FERRY3: variants seen among roughly 807,000 people sequenced by gnomAD.
The protein encoded by FERRY3 is protein C12orf4.
the FERRY3 span, among the ~76,000 whole-genome samples, chr12:4,495,373 A>G: frequency 6.6e-6 from 1 of 152,204 alleles, no homozygotes; most frequent in African/African-American, 2.4e-5. Flanking sequence ...GTTTTAATGA[A>G]GCACTCATTT....
At chr12:4,500,233 C>A in the FERRY3 span, 19 of 1,613,790 alleles carry the variant, frequency 1.2e-5, no homozygotes, top group East Asian at 4.2e-4. Flanking sequence ...CCCATAATGG[C>A]AGGATCACGA....
At chr12:4,526,841 CAAAA>C in the FERRY3 span, among the ~76,000 whole-genome samples, 42 of 109,834 alleles carry the variant, frequency 3.8e-4, no homozygotes, top group African/African-American at 1.1e-3. Context: ...GACTCCATCT[CAAAA>C]AAAAAAAAAG....
chr12:4,532,154 G>C, the FERRY3 span, among the ~76,000 whole-genome samples: 4 of 147,496 alleles, frequency 2.7e-5, no homozygotes, highest in Non-Finnish European at 5.9e-5. Context: ...TGTGGCCGAA[G>C]ACAATTCTTC....
the FERRY3 span, chr12:4,489,783 G>A: frequency 1.3e-6 from 2 of 1,506,532 alleles, no homozygotes; most frequent in South Asian, 2.3e-5. Flanking sequence ...ATCATCTTCT[G>A]CCAGCATGTC....
chr12:4,495,849 T>C, the FERRY3 span, among the ~76,000 whole-genome samples: 2 of 152,222 alleles, frequency 1.3e-5, no homozygotes, highest in Non-Finnish European at 2.9e-5. Flanking sequence ...TTGGTATGAA[T>C]TAATGACAAA....
chr12:4,509,675 G>C, the FERRY3 span, among the ~76,000 whole-genome samples: 4 of 142,946 alleles, frequency 2.8e-5, no homozygotes, highest in Non-Finnish European at 6.1e-5. Flanking sequence ...CAACACATCT[G>C]CAGCTGAGGG....
chr12:4,506,390 T>C, the FERRY3 span, among the ~76,000 whole-genome samples: 5 of 152,182 alleles, frequency 3.3e-5, no homozygotes, highest in African/African-American at 1.2e-4. Flanking sequence ...GTGACTTTGA[T>C]AAATTGATTT....
chr12:4,518,876 C>T, the FERRY3 span: 98 of 1,561,832 alleles, frequency 6.3e-5, no homozygotes, highest in Non-Finnish European at 7.0e-5. Context: ...ACTTTAATTT[C>T]CTCACTAAAA....
chr12:4,536,084 T>C, the FERRY3 span: 1 of 1,610,320 alleles, frequency 6.2e-7, no homozygotes, highest in Non-Finnish European at 8.5e-7. Flanking sequence ...TGGCATTCTC[T>C]TGAACAGGAA....
the FERRY3 span, among the ~76,000 whole-genome samples, chr12:4,504,974 G>A: frequency 1.1e-4 from 16 of 152,138 alleles, no homozygotes; most frequent in African/African-American, 3.1e-4. Context: ...GTACGGTGGC[G>A]TGGGCCTGTA....
At chr12:4,510,122 A>T in the FERRY3 span, among the ~76,000 whole-genome samples, 1 of 140,460 alleles carries the variant, frequency 7.1e-6, no homozygotes, top group Non-Finnish European at 1.5e-5. Flanking sequence ...AGCCGATGCG[A>T]TCAACTGGAA....
chr12:4,505,645 A>G, the FERRY3 span, among the ~76,000 whole-genome samples: 2,511 of 152,336 alleles, frequency 0.016, 77 homozygotes, highest in African/African-American at 0.056. Context: ...AACTTAACCA[A>G]GCATGCACAG....
the FERRY3 span, among the ~76,000 whole-genome samples, chr12:4,519,222 T>C: frequency 6.6e-6 from 1 of 152,210 alleles, no homozygotes; most frequent in African/African-American, 2.4e-5. This position sits in a 1 kb window ranked among gnomAD's most constrained non-coding sequence, Gnocchi z 4.3. Context: ...TTAAAATATA[T>C]AATACATCCT....
At chr12:4,531,032 T>C in the FERRY3 span, among the ~76,000 whole-genome samples, 25 of 152,140 alleles carry the variant, frequency 1.6e-4, no homozygotes, top group South Asian at 1.0e-3. Flanking sequence ...CTGGAATTTA[T>C]AATATGACTT....
chr12:4,526,750 G>C, the FERRY3 span, among the ~76,000 whole-genome samples: 1 of 151,842 alleles, frequency 6.6e-6, no homozygotes, highest in Admixed American at 6.6e-5. Flanking sequence ...GCTGAGGTAG[G>C]AGAATTGCTT....
At chr12:4,530,396 C>T in the FERRY3 span, among the ~76,000 whole-genome samples, 1 of 152,144 alleles carries the variant, frequency 6.6e-6, no homozygotes, top group African/African-American at 2.4e-5. Context: ...CAACAAAATG[C>T]TAATGGTGGC....
chr12:4,495,430 A>C, the FERRY3 span, among the ~76,000 whole-genome samples: 1 of 152,198 alleles, frequency 6.6e-6, no homozygotes, highest in Non-Finnish European at 1.5e-5. Flanking sequence ...CTTATAATCC[A>C]GAATTTACTG....
the FERRY3 span, among the ~76,000 whole-genome samples, chr12:4,498,841 A>G: frequency 6.6e-6 from 1 of 152,180 alleles, no homozygotes; most frequent in Admixed American, 6.5e-5. Context: ...GCTCCCTCGC[A>G]CACGCAGTTC....
chr12:4,525,724 G>A, the FERRY3 span: 3 of 601,606 alleles, frequency 5.0e-6, no homozygotes, highest in African/African-American at 1.9e-5. Flanking sequence ...AATTGTAACT[G>A]GAAAGTACTT....
Sources: gnomAD v4.1 joint callset for allele counts (sites outside exome capture counted in the v4.1 genomes callset) on GRCh38, gnomAD v4.1.1 for gene constraint, Gnocchi (gnomAD v3.1) non-coding constraint, MANE v1.5 for transcripts, NCBI Gene and HGNC (gene_info 2026-07-23, HGNC 2026-07-21) for gene names.